SPOCK1: variants seen among roughly 807,000 people sequenced by gnomAD.
The protein encoded by SPOCK1 is testican-1.
In SPOCK1, 23 loss-of-function variants were observed where a neutral mutation model predicts 55.3. That is an observed-to-expected ratio of 0.42 (90% CI 0.30 to 0.59). The LOEUF is 0.59. SPOCK1 is among the 20% of genes least tolerant of loss of function. The probability of loss-of-function intolerance (pLI) is 0.22; values close to 1 mark genes in which losing one functional copy is unlikely to be tolerated. For missense variants in SPOCK1, 499 were observed against 552.5 expected (o/e 0.90, Z 0.97); for synonymous variants, 226 against 221.0 (o/e 1.02, Z -0.20).
At chr5:137,443,134 T>A (rs1227233012) in intron 2 of SPOCK1, among the ~76,000 whole-genome samples, 1 of 151,828 alleles carries the variant, frequency 6.6e-6, no homozygotes, top group Non-Finnish European at 1.5e-5. Flanking sequence ...CCACTTTGGC[T>A]GGACAGCTAA....
intron 6 of SPOCK1, among the ~76,000 whole-genome samples, chr5:137,065,211 G>A (rs941749853): frequency 1.5e-5 from 2 of 135,900 alleles, no homozygotes; most frequent in Non-Finnish European, 3.1e-5. Flanking sequence ...ACGGGTGACA[G>A]AGCGAGATTT....
intron 2 of SPOCK1, among the ~76,000 whole-genome samples, chr5:137,366,660 T>C (rs1457161741): frequency 6.6e-6 from 1 of 152,244 alleles, no homozygotes; most frequent in East Asian, 1.9e-4. Context: ...ACTAACCAAC[T>C]GCTTGTCAGA....
At chr5:137,488,903 T>C (rs967385466) in intron 2 of SPOCK1, among the ~76,000 whole-genome samples, 1 of 152,290 alleles carries the variant, frequency 6.6e-6, no homozygotes, top group East Asian at 1.9e-4. Context: ...TTGTATAATA[T>C]GTCCGCCCTT....
At chr5:137,427,647 C>T (rs1391716553) in intron 2 of SPOCK1, among the ~76,000 whole-genome samples, 2 of 152,188 alleles carry the variant, frequency 1.3e-5, no homozygotes, top group Non-Finnish European at 2.9e-5. Flanking sequence ...CGATGGCTCA[C>T]ACCTGTAATC....
intron 2 of SPOCK1, among the ~76,000 whole-genome samples, chr5:137,497,591 C>T (rs1295943771): frequency 6.6e-6 from 1 of 152,202 alleles, no homozygotes; most frequent in African/African-American, 2.4e-5. Context: ...TCTTGCCCCA[C>T]ATCCCTGGGG....
At chr5:137,444,862 G>A (rs1753089986) in intron 2 of SPOCK1, among the ~76,000 whole-genome samples, 2 of 152,300 alleles carry the variant, frequency 1.3e-5, no homozygotes, top group South Asian at 4.1e-4. Context: ...CAGATACCAG[G>A]TTGTCCACCT....
chr5:137,131,064 G>C (rs1270038559), intron 4 of SPOCK1, among the ~76,000 whole-genome samples: 1 of 152,118 alleles, frequency 6.6e-6, no homozygotes, highest in Non-Finnish European at 1.5e-5. Flanking sequence ...AATCCACAAG[G>C]CCAGCGCCCC....
At chr5:137,255,007 C>A (rs1213094610) in intron 3 of SPOCK1, among the ~76,000 whole-genome samples, 2 of 152,218 alleles carry the variant, frequency 1.3e-5, no homozygotes, top group Non-Finnish European at 2.9e-5. Context: ...TGCAGGCCAA[C>A]CATTCTTCCT....
intron 5 of SPOCK1, among the ~76,000 whole-genome samples, chr5:137,078,736 T>C (rs887334879): frequency 6.6e-6 from 1 of 152,152 alleles, no homozygotes; most frequent in South Asian, 2.1e-4. Context: ...TCCTGGCACA[T>C]GGTAGACAAT....
chr5:137,155,702 T>C (rs1380302540), intron 3 of SPOCK1, among the ~76,000 whole-genome samples: 1 of 152,248 alleles, frequency 6.6e-6, no homozygotes, highest in Non-Finnish European at 1.5e-5. Context: ...TGTCTCTGTG[T>C]AATTCAAACA....
chr5:137,234,872 T>C (rs1217475984), intron 3 of SPOCK1, among the ~76,000 whole-genome samples: 3 of 152,224 alleles, frequency 2.0e-5, no homozygotes, highest in Non-Finnish European at 4.4e-5. Flanking sequence ...TATTACTAAA[T>C]ACCAAACATT....
chr5:137,208,813 A>G (rs937722478), intron 3 of SPOCK1, among the ~76,000 whole-genome samples: 2 of 152,234 alleles, frequency 1.3e-5, no homozygotes, highest in Non-Finnish European at 2.9e-5. Context: ...AGCATCACAC[A>G]GTATACCCAG....
At chr5:137,075,047 C>T (rs13159338) in intron 5 of SPOCK1, among the ~76,000 whole-genome samples, 64,749 of 151,796 alleles carry the variant, frequency 0.43, 16,676 homozygotes, top group Non-Finnish European at 0.57. Flanking sequence ...CCATGTTGGC[C>T]AGGCTGTTTT....
chr5:137,497,392 G>A (rs144314006), intron 2 of SPOCK1, among the ~76,000 whole-genome samples: 254 of 152,248 alleles, frequency 1.7e-3, no homozygotes, highest in African/African-American at 5.8e-3. Flanking sequence ...TTATGCCTTG[G>A]GCACTTTTAC....
intron 5 of SPOCK1, among the ~76,000 whole-genome samples, chr5:137,075,450 C>T (rs1006762692): frequency 3.9e-5 from 6 of 152,180 alleles, no homozygotes; most frequent in Non-Finnish European, 7.3e-5. Flanking sequence ...AAAGAGCTGA[C>T]CTTCAGTAAG....
intron 6 of SPOCK1, among the ~76,000 whole-genome samples, chr5:137,044,393 G>T (rs1252446159): frequency 6.6e-6 from 1 of 152,124 alleles, no homozygotes; most frequent in Non-Finnish European, 1.5e-5. Flanking sequence ...CAAAAGAAAT[G>T]TAACATACAT....
At chr5:137,114,618 A>G (rs1313055328) in intron 4 of SPOCK1, among the ~76,000 whole-genome samples, 1 of 152,192 alleles carries the variant, frequency 6.6e-6, no homozygotes, top group Non-Finnish European at 1.5e-5. Context: ...ATACTGATAA[A>G]GGGATGGTGG....
intron 3 of SPOCK1, among the ~76,000 whole-genome samples, chr5:137,146,986 C>T (rs1754208468): frequency 6.6e-6 from 1 of 152,174 alleles, no homozygotes. Context: ...CCAAAGATAG[C>T]CCTCCTGGGA....
intron 3 of SPOCK1, among the ~76,000 whole-genome samples, chr5:137,194,305 T>C (rs188389591): frequency 3.1e-4 from 47 of 152,260 alleles, no homozygotes; most frequent in African/African-American, 1.0e-3. Flanking sequence ...GTGGTCTTGA[T>C]CACTTTTGTT....
Sources: gnomAD v4.1 joint callset for allele counts (sites outside exome capture counted in the v4.1 genomes callset) on GRCh38, gnomAD v4.1.1 for gene constraint, MANE v1.5 for transcripts, NCBI Gene and HGNC (gene_info 2026-07-23, HGNC 2026-07-21) for gene names.